The following CATSPERZ variants were observed in gnomAD, a reference collection of about 807,000 sequenced individuals.
CATSPERZ encodes catsper channel auxiliary subunit zeta, also known as cation channel sperm-associated auxiliary subunit zeta.
CATSPERZ carries 21 observed loss-of-function variants against 21.7 expected under a neutral mutation model. The observed-to-expected ratio is 0.97, with a 90% CI of 0.69 to 1.39. CATSPERZ has a LOEUF of 1.39. Among genes scored for constraint, CATSPERZ ranks in the 40% most tolerant of loss-of-function variants. The probability of loss-of-function intolerance (pLI) is 0.00; values close to 1 mark genes in which losing one functional copy is unlikely to be tolerated. For missense variants in CATSPERZ, 234 were observed against 259.5 expected (o/e 0.90, Z 0.68); for synonymous variants, 127 against 108.7 (o/e 1.17, Z -1.05).
At chr11:64,303,362 G>A (rs754343679) in intron 2 of CATSPERZ, 120 bp from the exon 3 acceptor site, 4 of 772,156 alleles carry the variant, frequency 5.2e-6, no homozygotes, top group Non-Finnish European at 8.5e-6. Flanking sequence ...TGACCCCAAG[G>A]CTGCACCAGG....
In CATSPERZ at chr11:64,300,846, G is replaced by A. The variant is rs1251017803; in HGVS notation, c.211G>A (p.Gly71Ser). Residue 71 changes from glycine to serine, a missense_variant, in exon 2 of 5, where the codon GGC (glycine) becomes AGC (serine). Physicochemically the swap from Gly to Ser is moderately conservative, Grantham distance 56. Coordinates refer to ENST00000328404, the MANE Select transcript of CATSPERZ (RefSeq NM_001039496.2). ...KTRGWHSPGR[G>S]SLDEGYKASH... is the part of the protein sequence containing the mutation. ...CCGCGGGTGGCACAGCCCGGGGCGG[G>A]GCTCGTTGGACGAGGGGTACAAGGC... 1.3e-6 allele frequency: 2 copies of A among 1,559,338 alleles called. No homozygotes were observed. The highest frequency in any genetic ancestry group is 4.8e-5 in the East Asian group (2 of 41,444).
chr11:64,301,588 G>A (rs1346742103), intron 2 of CATSPERZ, among the ~76,000 whole-genome samples: 1 of 151,882 alleles, frequency 6.6e-6, no homozygotes, highest in Non-Finnish European at 1.5e-5. Flanking sequence ...TGGCCAGGCT[G>A]GTCTCGAACT....
Position 64,300,719 on chromosome 11 carries a change from G to C in CATSPERZ, c.84G>C (p.Arg28=). The part of the protein sequence containing the change: ...SDEESVHSDT[R]DLWTTTTLSQ... ...AGGAGAGCGTGCATAGCGACACTCG[G>C]GACCTGTGGACCACGACCACGCTGT... Residue 28 remains arginine, a synonymous_variant, in exon 2 of 5, where the codon CGG becomes CGC. Transcript: ENST00000328404. The C allele has an allele frequency of 1.9e-6, 3 of 1,551,084 alleles. No homozygotes were observed. Among genetic ancestry groups the C allele is most frequent in the Non-Finnish European group, 2.6e-6 (3 of 1,147,196 alleles).
At chr11:64,300,539 A>T in intron 1 of CATSPERZ, 108 bp downstream of exon 1, 3 of 1,468,308 alleles carry the variant, frequency 2.0e-6, no homozygotes, top group Non-Finnish European at 2.8e-6. Flanking sequence ...CGCAGCCCCC[A>T]CCCAACCCCA....
At position 64,300,707 on chromosome 11, in the gene CATSPERZ, T is replaced by C; in HGVS notation, c.72T>C (p.His24=). The change falls in exon 2 of 5, where the codon CAT becomes CAC. Residue 24 remains histidine, a synonymous_variant. Transcript: ENST00000328404. ...DRQGSDEESV[H]SDTRDLWTTT... is the part of the protein sequence containing the mutation. ...AAGGCTCGGACGAGGAGAGCGTGCATAGCGACACTCGGGACCTGTGGACCA... is the reference window on the plus strand; with the variant it reads ...AAGGCTCGGACGAGGAGAGCGTGCACAGCGACACTCGGGACCTGTGGACCA... 6.5e-7 allele frequency: 1 copy of C among 1,549,114 alleles called. No homozygotes were observed. The highest frequency in any genetic ancestry group is 8.7e-7 in the Non-Finnish European group (1 of 1,145,690).
At chr11:64,302,106 G>A (rs1369886868) in intron 2 of CATSPERZ, among the ~76,000 whole-genome samples, 5 of 152,146 alleles carry the variant, frequency 3.3e-5, no homozygotes, top group Non-Finnish European at 7.3e-5. Context: ...CCTACTACGT[G>A]CTGGGCACTG....
intron 3 of CATSPERZ, 37 bp downstream of exon 3, chr11:64,303,598 G>T: frequency 6.3e-7 from 1 of 1,589,742 alleles, no homozygotes; most frequent in Non-Finnish European, 8.6e-7. Flanking sequence ...TTTCGGTGGG[G>T]TAGGGGATAG....
At chr11:64,302,103 C>T (rs945734347) in intron 2 of CATSPERZ, among the ~76,000 whole-genome samples, 6 of 152,166 alleles carry the variant, frequency 3.9e-5, no homozygotes, top group Non-Finnish European at 7.3e-5. Flanking sequence ...GCCCCTACTA[C>T]GTGCTGGGCA....
intron 2 of CATSPERZ, among the ~76,000 whole-genome samples, 185 bp downstream of exon 2, chr11:64,301,172 C>A (rs535288127): frequency 9.2e-5 from 14 of 152,380 alleles, no homozygotes; most frequent in African/African-American, 2.4e-4. Flanking sequence ...CGCCCCCTCC[C>A]GGGCAGGCGT....
intron 1 of CATSPERZ, 62 bp downstream of exon 1, chr11:64,300,493 G>T (rs911665626): frequency 1.3e-6 from 2 of 1,569,090 alleles, no homozygotes; most frequent in Non-Finnish European, 1.7e-6. Context: ...TCCGACTCGG[G>T]CCCCTGGCGC....
intron 2 of CATSPERZ, among the ~76,000 whole-genome samples, chr11:64,301,285 GTTTGTTTTGT>G (rs1229550853): frequency 2.0e-5 from 3 of 152,062 alleles, no homozygotes; most frequent in Admixed American, 6.5e-5. Context: ...TTTTTGTTTT[GTTTGTTTTGT>G]TTTGTTTTGT....
In CATSPERZ at chr11:64,304,528, C is replaced by G; in HGVS notation, c.500-15C>G. ...GTTGCTCACTGCCCTGAGCCGAGCTCTGCCCTCCTCCTAGGCTACCAGTTA... is the reference window on the plus strand; with the variant it reads ...GTTGCTCACTGCCCTGAGCCGAGCTGTGCCCTCCTCCTAGGCTACCAGTTA... On this transcript the variant is annotated splice_polypyrimidine_tract_variant and intron_variant, in intron 4 of 4. Coordinates refer to ENST00000328404, the MANE Select transcript of CATSPERZ (RefSeq NM_001039496.2). 1 of 1,567,240 alleles carries G rather than the reference C, an allele frequency of 6.4e-7. No individual in the cohort carries two copies.
chr11:64,301,670 G>A (rs992211455), intron 2 of CATSPERZ, among the ~76,000 whole-genome samples: 5 of 151,700 alleles, frequency 3.3e-5, no homozygotes, highest in African/African-American at 9.7e-5. Context: ...CACTGCGCCC[G>A]GCCTTTGTTT....
At chr11:64,304,343 C>A (rs1385509222) in intron 4 of CATSPERZ, among the ~76,000 whole-genome samples, 200 bp from the exon 5 acceptor site, 1 of 152,186 alleles carries the variant, frequency 6.6e-6, no homozygotes, top group African/African-American at 2.4e-5. Context: ...TCTTCCCTAG[C>A]CTTGACCTCA....
At position 64,300,862 on chromosome 11, in the gene CATSPERZ, G is replaced by A. The variant is rs1324001393; in HGVS notation, c.227G>A (p.Gly76Glu). 3.2e-6 allele frequency: 5 copies of A among 1,561,224 alleles called. No individual in the cohort carries two copies. The Admixed American group carries it at 7.7e-5, about 24-fold the overall frequency. Reference protein sequence around the residue: ...HSPGRGSLDEGYKASHKPEEL... With the variant: ...HSPGRGSLDEEYKASHKPEEL... ...CCGGGGCGGGGCTCGTTGGACGAGG[G>A]GTACAAGGCCAGCCACAAGCCGGAG... The change falls in exon 2 of 5, where the codon GGG (glycine) becomes GAG (glutamate). Residue 76 changes from glycine (G) to glutamate (E), a missense_variant. Gly to Glu is a moderately conservative substitution (Grantham distance 98, BLOSUM62 -2). Coordinates refer to ENST00000328404, the MANE Select transcript of CATSPERZ (RefSeq NM_001039496.2).
rs1163838260 is a variant in CATSPERZ, at chr11:64,300,673, C to G, written c.38C>G (p.Ser13Cys). The change falls in exon 2 of 5, where the codon TCC becomes TGC. Residue 13 changes from serine (S) to cysteine (C), a missense_variant. Ser to Cys is a moderately radical substitution (Grantham distance 112, BLOSUM62 -1). Coordinates refer to ENST00000328404, the MANE Select transcript of CATSPERZ (RefSeq NM_001039496.2). ...GGCCCACAGGTGTCGCTCAAGTCTT[C>G]CGACCGCCAAGGCTCGGACGAGGAG... is the stretch of plus-strand genomic sequence containing the variant. ...EKPSKVSLKS[S>C]DRQGSDEESV... 2.0e-6 allele frequency: 3 copies of G among 1,537,496 alleles called. No homozygotes were observed. In the Admixed American group the frequency reaches 5.9e-5, roughly 30 times the overall value.
intron 4 of CATSPERZ, 78 bp downstream of exon 4, chr11:64,303,917 G>A: frequency 7.1e-7 from 1 of 1,403,808 alleles, no homozygotes. Context: ...CAGGGGGGTG[G>A]GGTTTCAGGG....
rs1352089493 is a variant in CATSPERZ at position 64,303,786 on chromosome 11, T to C, written c.446T>C (p.Leu149Pro). The part of the protein sequence containing the change: ...AEQQSRLPLP[L>P]MELMENEALE... Reference sequence around the variant, plus strand: ...CTGCTTCTCCAGCTGCCACTGCCCCTGATGGAACTCATGGAGAATGAAGCT... The same window carrying C: ...CTGCTTCTCCAGCTGCCACTGCCCCCGATGGAACTCATGGAGAATGAAGCT... Residue 149 changes from leucine (L) to proline (P), a missense_variant, in exon 4 of 5, where the codon CTG (leucine) becomes CCG (proline). Leu to Pro is a moderately conservative substitution (Grantham distance 98). Transcript: ENST00000328404. 2.5e-6 allele frequency: 4 copies of C among 1,600,636 alleles called. No individual in the cohort carries two copies. Among genetic ancestry groups the C allele is most frequent in the Non-Finnish European group, 3.4e-6 (4 of 1,173,846 alleles).
Position 64,303,389 on chromosome 11 carries a change from C to T in CATSPERZ, c.353-93C>T, listed in dbSNP as rs570142588. 3.6e-5 allele frequency: 37 copies of T among 1,022,396 alleles called. No individual in the cohort carries two copies. In the South Asian group the frequency reaches 5.6e-4, roughly 16 times the overall value. The allele number at this position is 1,022,396 out of a possible 1,614,324, so 63.3% of individuals were successfully genotyped here. ...TGCACCAGGAGCTGGTCTCTGAAGG[C>T]CATTCCCTCTCACAAGGTGCCTACC... On this transcript the variant is annotated intron_variant, in intron 2 of 4. Coordinates refer to ENST00000328404, the MANE Select transcript of CATSPERZ (RefSeq NM_001039496.2).
Sources: gnomAD v4.1 joint callset for allele counts (sites outside exome capture counted in the v4.1 genomes callset) on GRCh38, gnomAD v4.1.1 for gene constraint, MANE v1.5 for transcripts, NCBI Gene and HGNC (gene_info 2026-07-23, HGNC 2026-07-21) for gene names.